DPM1: variants seen among roughly 807,000 people sequenced by gnomAD.
DPM1 encodes the protein dolichol-phosphate mannosyltransferase subunit 1.
Under a neutral mutation model 39.0 loss-of-function variants are expected in DPM1, and 27 were observed. The ratio of observed to expected loss-of-function variants is 0.69; its 90% CI spans 0.51 to 0.95. The LOEUF (loss-of-function observed/expected upper bound fraction) is 0.95. Among genes scored for constraint, DPM1 ranks in the 40% least tolerant of loss-of-function variants. DPM1 has a pLI of 0.00. For missense variants in DPM1, 307 were observed against 315.6 expected, an observed-to-expected ratio of 0.97 and a Z score of 0.21; for synonymous variants, 124 against 109.0, an observed-to-expected ratio of 1.14 and a Z score of -0.86.
intron 5 of DPM1, chr20:50,945,284 TTGTGTGTGTGTGTG>T (rs11474633): frequency 0.078 from 12,219 of 157,050 alleles, 1,260 homozygotes; most frequent in African/African-American, 0.24. Flanking sequence ...CAAATGTGTG[TTGTGTGTGTGTGTG>T]TGTGTGTGTG....
At chr20:50,941,895 A>C in intron 6 of DPM1, 136 bp downstream of exon 6, 1 of 756,504 alleles carries the variant, frequency 1.3e-6, no homozygotes, top group Non-Finnish European at 2.3e-6. Flanking sequence ...ACTGTAAGAA[A>C]CTATCTGGGA....
At chr20:50,938,239 TTTC>T (rs560795660) in intron 7 of DPM1, among the ~76,000 whole-genome samples, 224 of 152,240 alleles carry the variant, frequency 1.5e-3, no homozygotes, top group African/African-American at 5.2e-3. Context: ...CAGGATTCCT[TTTC>T]TTATTTTGTA....
At chr20:50,951,061 T>C (rs1342582996) in intron 2 of DPM1, among the ~76,000 whole-genome samples, 2 of 152,160 alleles carry the variant, frequency 1.3e-5, no homozygotes, top group African/African-American at 2.4e-5. Flanking sequence ...CAGTAAGAGA[T>C]TAACAATACC....
intron 7 of DPM1, among the ~76,000 whole-genome samples, chr20:50,938,425 GCCCAGGC>G (rs1320231218): frequency 6.7e-6 from 1 of 148,730 alleles, no homozygotes; most frequent in East Asian, 2.0e-4. Flanking sequence ...TCACTCTGTC[GCCCAGGC>G]TAGAGTGCAG....
rs2123098264 is a variant in DPM1, at chr20:50,942,111, A to G, written c.414T>C (p.Gly138=). The change falls in exon 6 of 9, where the codon GGT becomes GGC. Residue 138 remains glycine (G), a synonymous_variant. Transcript: ENST00000371588. ...IPEFIRKQKE[G]NFDIVSGTRY... ...GAGTTCCAGAGACAATATCAAAATT[A>G]CCCTCCTTTTGCTTCCTGTAGAATA... The G allele has an allele frequency of 6.2e-7, 1 of 1,613,988 alleles. No individual in the cohort carries two copies. Among genetic ancestry groups the G allele is most frequent in the Non-Finnish European group, 8.5e-7 (1 of 1,179,958 alleles).
chr20:50,953,691 GGTCA>G (rs1457578891), intron 2 of DPM1, among the ~76,000 whole-genome samples: 1 of 152,118 alleles, frequency 6.6e-6, no homozygotes, highest in Non-Finnish European at 1.5e-5. Flanking sequence ...AAATTTGAAA[GGTCA>G]GTTTAGTAAC....
Position 50,936,193 on chromosome 20 carries a change from C to T in DPM1, c.633G>A (p.Met211Ile). 5 of 1,613,830 alleles carry T rather than the reference C, an allele frequency of 3.1e-6. No homozygotes were observed. Among genetic ancestry groups the T allele is most frequent in the Non-Finnish European group, 4.2e-6 (5 of 1,179,824 alleles). The change falls in exon 8 of 9, where the codon ATG (methionine) becomes ATA (isoleucine). Residue 211 changes from methionine to isoleucine, a missense_variant. Coordinates refer to ENST00000371588, the MANE Select transcript of DPM1 (RefSeq NM_003859.3). Reference protein sequence around the residue: ...KCVSKGYVFQMEMIVRARQLN... With the variant: ...KCVSKGYVFQIEMIVRARQLN... The stretch of plus-strand genomic sequence containing the variant: ...ACTGTCTTGCCCGAACAATCATCTC[C>T]ATCTGGAAGACGTAGCCTTTAGAAA...
intron 1 of DPM1, among the ~76,000 whole-genome samples, chr20:50,956,096 A>C (rs920240400): frequency 6.6e-6 from 1 of 152,202 alleles, no homozygotes; most frequent in Non-Finnish European, 1.5e-5. Flanking sequence ...CACAATTTCA[A>C]ATAGTTGTGC....
At position 50,955,257 on chromosome 20, in the gene DPM1, C is replaced by T. The variant is rs1384654859; in HGVS notation, c.190G>A (p.Asp64Asn). 3 of 1,612,972 alleles carry T rather than the reference C, an allele frequency of 1.9e-6. No individual in the cohort carries two copies. In the East Asian group the frequency reaches 6.7e-5, roughly 36 times the overall value. The part of the protein sequence containing the change: ...SGINYEIIII[D>N]DGSPDGTRDV... ...CTTGTTCCATCTGGGCTTCCATCATCTATGATTATAATTTCATAGTTGATT... is the reference window on the plus strand; with the variant it reads ...CTTGTTCCATCTGGGCTTCCATCATTTATGATTATAATTTCATAGTTGATT... The change falls in exon 2 of 9, where the codon GAT (aspartate) becomes AAT (asparagine). Residue 64 changes from aspartate (D) to asparagine (N), a missense_variant. This residue lies in a region of DPM1 where 206 missense variants were observed against 188.2 expected (regional missense o/e 1.09). Coordinates refer to ENST00000371588, the MANE Select transcript of DPM1 (RefSeq NM_003859.3).
At chr20:50,955,427 A>G (rs1032501850) in intron 1 of DPM1, 142 bp from the exon 2 acceptor site, 20 of 672,958 alleles carry the variant, frequency 3.0e-5, no homozygotes, top group Non-Finnish European at 4.7e-5. Context: ...TTATCAAATG[A>G]AATAAATGTC....
At position 50,951,795 on chromosome 20, in the gene DPM1, A is replaced by AAAT. The variant is rs1568772015; in HGVS notation, c.262-3134_262-3133insATT. Among the ~76,000 whole-genome samples the AAAT allele has an allele frequency of 1.0e-4, 15 of 147,654 alleles. No homozygotes were observed. The South Asian group carries it at 1.5e-3, about 14-fold the overall frequency. On this transcript the variant is annotated intron_variant, in intron 2 of 8. Transcript: ENST00000371588. ...AGAGCGAGACTCCAATCTCAAAAAA[A>AAAT]AAATAAATAAATAAATAAATAAAAT...
chr20:50,941,783 G>A (rs1985848959), intron 6 of DPM1, among the ~76,000 whole-genome samples: 1 of 152,156 alleles, frequency 6.6e-6, no homozygotes. Flanking sequence ...TGAAGGTCCA[G>A]TACAGTAACT....
chr20:50,950,232 C>G (rs1986506583), intron 2 of DPM1, among the ~76,000 whole-genome samples: 1 of 152,138 alleles, frequency 6.6e-6, no homozygotes, highest in Non-Finnish European at 1.5e-5. Context: ...AAAAGAAATC[C>G]TCTACACTTT....
intron 1 of DPM1, 149 bp downstream of exon 1, chr20:50,958,214 G>A (rs1175535149): frequency 2.0e-6 from 2 of 1,011,462 alleles, no homozygotes; most frequent in East Asian, 5.2e-5. Flanking sequence ...ATCCGCCTCT[G>A]CTTCCCTCGC....
chr20:50,953,404 A>T (rs1986679100), intron 2 of DPM1, among the ~76,000 whole-genome samples: 1 of 152,264 alleles, frequency 6.6e-6, no homozygotes, highest in South Asian at 2.1e-4. Flanking sequence ...TGAACACTTT[A>T]TCTGAGGTAT....
chr20:50,946,330 C>T (rs1387985877), intron 3 of DPM1, among the ~76,000 whole-genome samples: 1 of 152,248 alleles, frequency 6.6e-6, no homozygotes. Context: ...AATATCTCCA[C>T]TTGGGTATTT....
At chr20:50,939,311 G>GT (rs1375209674) in intron 7 of DPM1, among the ~76,000 whole-genome samples, 2 of 152,138 alleles carry the variant, frequency 1.3e-5, no homozygotes, top group Non-Finnish European at 2.9e-5. Flanking sequence ...CAGAGATTTT[G>GT]TGAGTGCCAC....
intron 1 of DPM1, among the ~76,000 whole-genome samples, chr20:50,956,489 G>A (rs1410038393): frequency 6.8e-6 from 1 of 147,996 alleles, no homozygotes; most frequent in African/African-American, 2.5e-5. Flanking sequence ...TGGCGCCACC[G>A]CACTCCAGCC....
At chr20:50,940,221 T>C (rs1985606673) in intron 7 of DPM1, among the ~76,000 whole-genome samples, 1 of 151,472 alleles carries the variant, frequency 6.6e-6, no homozygotes, top group Non-Finnish European at 1.5e-5. Context: ...CTAGTAGAAA[T>C]TATTAAGTAA....
Sources: allele counts gnomAD v4.1 joint callset (sites outside exome capture counted in the v4.1 genomes callset), GRCh38; gene constraint gnomAD v4.1.1; regional missense constraint gnomAD v4.1.1; transcripts MANE v1.5; gene names NCBI Gene and HGNC (gene_info 2026-07-23, HGNC 2026-07-21).